SLC30A6: variants seen among roughly 807,000 people sequenced by gnomAD.
SLC30A6 encodes the protein solute carrier family 30 member 6.
A neutral mutation model predicts 63.0 loss-of-function variants in SLC30A6; 55 were observed. That is an observed-to-expected ratio of 0.87 (90% CI 0.70 to 1.09). SLC30A6 has a LOEUF of 1.09. Ranked by LOEUF, SLC30A6 falls within the 50% of genes least tolerant of loss-of-function variation. The pLI is 0.00. For missense variants in SLC30A6, 587 were observed against 549.2 expected (o/e 1.07, Z -0.69); for synonymous variants, 224 against 186.1 (o/e 1.20, Z -1.66).
intron 12 of SLC30A6, among the ~76,000 whole-genome samples, chr2:32,208,886 A>G (rs1423086787): frequency 6.6e-6 from 1 of 152,220 alleles, no homozygotes; most frequent in Non-Finnish European, 1.5e-5. Flanking sequence ...AACTATTTTG[A>G]TGTTGAAACT....
chr2:32,197,641 A>G, intron 9 of SLC30A6, 66 bp from the exon 10 acceptor site: 1 of 1,602,000 alleles, frequency 6.2e-7, no homozygotes, highest in Non-Finnish European at 8.5e-7. Context: ...GTTATCTTTT[A>G]CAAGGTTGTC....
intron 8 of SLC30A6, among the ~76,000 whole-genome samples, chr2:32,196,081 A>C (rs1683761458): frequency 6.6e-6 from 1 of 152,142 alleles, no homozygotes; most frequent in Non-Finnish European, 1.5e-5. Context: ...TTGGGAGACC[A>C]AGTCAGGCGG....
At chr2:32,180,183 C>T (rs1444508555) in intron 4 of SLC30A6, among the ~76,000 whole-genome samples, 1 of 152,016 alleles carries the variant, frequency 6.6e-6, no homozygotes, top group African/African-American at 2.4e-5. Context: ...GAAAGGACTG[C>T]TTGAGCCCAG....
intron 10 of SLC30A6, 59 bp downstream of exon 10, chr2:32,197,885 G>A (rs1243123016): frequency 1.3e-5 from 21 of 1,594,400 alleles, no homozygotes; most frequent in Non-Finnish European, 1.6e-5. Flanking sequence ...ACTTTTAAGG[G>A]CATCAGCAGG....
At chr2:32,182,533 A>T (rs1682422346) in intron 4 of SLC30A6, among the ~76,000 whole-genome samples, 1 of 152,140 alleles carries the variant, frequency 6.6e-6, no homozygotes, top group Admixed American at 6.6e-5. Context: ...CTACAGATTC[A>T]GGGGTGTTAA....
At chr2:32,214,099 C>G (rs1179094844) in intron 13 of SLC30A6, among the ~76,000 whole-genome samples, 1 of 152,002 alleles carries the variant, frequency 6.6e-6, no homozygotes, top group Non-Finnish European at 1.5e-5. Context: ...CCACGTCTGG[C>G]TAATTTTTTG....
At chr2:32,197,289 A>G (rs1683876694) in intron 8 of SLC30A6, 55 bp from the exon 9 acceptor site, 3 of 1,458,608 alleles carry the variant, frequency 2.1e-6, no homozygotes, top group African/African-American at 2.9e-5. Context: ...CAAATATTTC[A>G]GGTAGTGGTT....
intron 9 of SLC30A6, 148 bp from the exon 10 acceptor site, chr2:32,197,559 A>G: frequency 7.6e-7 from 1 of 1,322,450 alleles, no homozygotes; most frequent in South Asian, 1.4e-5. Flanking sequence ...AGAACTTTAT[A>G]AATGAAAGGG....
chr2:32,183,744 G>C (rs565042861), intron 4 of SLC30A6, among the ~76,000 whole-genome samples: 57 of 150,700 alleles, frequency 3.8e-4, no homozygotes, highest in African/African-American at 1.3e-3. Context: ...ATATTTAACT[G>C]GGTCTAACGC....
intron 12 of SLC30A6, among the ~76,000 whole-genome samples, chr2:32,207,456 A>C (rs1684872570): frequency 6.6e-6 from 1 of 151,686 alleles, no homozygotes; most frequent in Middle Eastern, 3.4e-3. Context: ...GGCTCACTGC[A>C]ACCTCCGTCT....
chr2:32,207,299 C>T (rs1684855385), intron 12 of SLC30A6, among the ~76,000 whole-genome samples: 1 of 152,088 alleles, frequency 6.6e-6, no homozygotes, highest in South Asian at 2.1e-4. Context: ...CAACCTCCAC[C>T]TCCCAGGCTC....
chr2:32,194,928 C>G (rs923223885), intron 8 of SLC30A6, among the ~76,000 whole-genome samples: 2 of 152,076 alleles, frequency 1.3e-5, no homozygotes, highest in Non-Finnish European at 2.9e-5. Flanking sequence ...AACACTGTTT[C>G]CCTGTAAAGA....
intron 5 of SLC30A6, 54 bp from the exon 6 acceptor site, chr2:32,192,282 A>T (rs1683394817): frequency 6.7e-7 from 1 of 1,503,756 alleles, no homozygotes; most frequent in Non-Finnish European, 9.3e-7. Flanking sequence ...TTCTAGAGAG[A>T]CTGGTTTGTG....
At position 32,204,612 on chromosome 2, in the gene SLC30A6, G is replaced by A. The variant is rs753658526; in HGVS notation, c.688G>A (p.Ala230Thr). The change falls in exon 11 of 14, where the codon GCC becomes ACC. Residue 230 changes from alanine to threonine, a missense_variant. By Grantham distance (58) the Ala-to-Thr change is moderately conservative (BLOSUM62 0). Coordinates refer to ENST00000282587, the MANE Select transcript of SLC30A6 (RefSeq NM_017964.5). ...TAGTAATTATTTTGCCGTAGACACT[G>A]CCTCTGCTATAGCTATTGCCTTGAT... ...EINNYFAVDT[A>T]SAIAIALMTF... 10 of 1,611,022 alleles carry A rather than the reference G, an allele frequency of 6.2e-6. No homozygotes were observed. The highest frequency in any genetic ancestry group is 8.5e-6 in the Non-Finnish European group (10 of 1,178,270).
rs1310874501 is a variant in SLC30A6 at position 32,201,495 on chromosome 2, A to G, written c.666-3095A>G. On this transcript the variant is annotated intron_variant, in intron 10 of 13. Coordinates refer to ENST00000282587, the MANE Select transcript of SLC30A6 (RefSeq NM_017964.5). ...TCAAAAATTACTAGTTGAATGACACACAGCCACGGCTGAGTGGCTGCCCTG... is the reference window on the plus strand; with the variant it reads ...TCAAAAATTACTAGTTGAATGACACGCAGCCACGGCTGAGTGGCTGCCCTG... 12 of 475,286 alleles carry G rather than the reference A, an allele frequency of 2.5e-5. No homozygotes were observed. In the East Asian group the frequency reaches 4.4e-4, roughly 18 times the overall value. The allele number at this position is 475,286 out of a possible 1,614,324, so 29.4% of individuals were successfully genotyped here.
intron 2 of SLC30A6, among the ~76,000 whole-genome samples, chr2:32,172,329 G>C (rs1356768999): frequency 1.3e-5 from 2 of 151,880 alleles, no homozygotes; most frequent in South Asian, 2.1e-4. Flanking sequence ...ATCCTCATTT[G>C]CTTCCTTATC....
intron 13 of SLC30A6, among the ~76,000 whole-genome samples, chr2:32,213,533 T>A (rs1286827148): frequency 1.3e-5 from 2 of 152,160 alleles, no homozygotes; most frequent in Non-Finnish European, 2.9e-5. Flanking sequence ...TGCTTCCTGC[T>A]GCACAGATTG....
chr2:32,207,781 A>T (rs1453357739), intron 12 of SLC30A6, among the ~76,000 whole-genome samples: 1 of 141,944 alleles, frequency 7.0e-6, no homozygotes, highest in Middle Eastern at 3.6e-3. Context: ...GCTCACTGCA[A>T]CCTCCGCCTC....
rs955224211 is a variant in SLC30A6, at chr2:32,208,249, A to G, written c.817-1244A>G. Among the ~76,000 whole-genome samples, 13 of 149,218 alleles carry G rather than the reference A, an allele frequency of 8.7e-5. No individual in the cohort carries two copies. In the Admixed American group the frequency reaches 8.7e-4, roughly 10 times the overall value. ...GAGTTCAAGCGATTCTCCTGCTTCAACCTCCTGAGTAGCTGGGATTACAGG... is the reference window on the plus strand; with the variant it reads ...GAGTTCAAGCGATTCTCCTGCTTCAGCCTCCTGAGTAGCTGGGATTACAGG... On this transcript the variant is annotated intron_variant, in intron 12 of 13. Transcript: ENST00000282587.
Sources: allele counts gnomAD v4.1 joint callset (sites outside exome capture counted in the v4.1 genomes callset), GRCh38; gene constraint gnomAD v4.1.1; transcripts MANE v1.5; gene names NCBI Gene and HGNC (gene_info 2026-07-23, HGNC 2026-07-21).